BTBD19: variants seen among roughly 807,000 people sequenced by gnomAD.
The protein encoded by BTBD19 is BTB domain containing 19, also known as BTB/POZ domain-containing protein 19.
Under a neutral mutation model 36.1 loss-of-function variants are expected in BTBD19, and 20 were observed. That is an observed-to-expected ratio of 0.55 (90% CI 0.39 to 0.80). The LOEUF is 0.80. Among genes scored for constraint, BTBD19 ranks in the 30% least tolerant of loss-of-function variants. BTBD19 has a pLI of 0.00. For synonymous variants in BTBD19, 157 were observed against 174.3 expected, an observed-to-expected ratio of 0.90 and a Z score of 0.78; for missense variants, 325 against 389.8, an observed-to-expected ratio of 0.83 and a Z score of 1.40.
rs774858042 is a variant in BTBD19 at position 44,813,299 on chromosome 1, C to T, written c.615+30C>T. The T allele has an allele frequency of 1.4e-5, 21 of 1,537,436 alleles. No individual in the cohort carries two copies. The East Asian group carries it at 3.7e-4, about 27-fold the overall frequency. ...GTGGGGCTGGGGGAGCGCAAGGGCA[C>T]GGAAGGAGGTGCTGGCCACGAGACT... On this transcript the variant is annotated intron_variant, in intron 6 of 7. Coordinates refer to ENST00000450269, the Ensembl canonical transcript of BTBD19. This position sits in a 1 kb window ranked among gnomAD's most constrained non-coding sequence, Gnocchi z 7.8.
exon 4 of BTBD19, chr1:44,812,062 G>T (rs757282646): frequency 7.7e-7 from 1 of 1,305,380 alleles, no homozygotes; most frequent in South Asian, 1.2e-5. Context: ...TTGTGGTGAA[G>T]GTGCTGGATG....
chr1:44,814,928 G>C (rs147277137), downstream of BTBD19: 1 of 152,058 alleles, frequency 6.6e-6, no homozygotes, highest in African/African-American at 2.4e-5. Context: ...CCACAGGCTC[G>C]GCGAGAAATT....
In BTBD19 at chr1:44,813,963, G is replaced by A; in HGVS notation, c.*191G>A. ...GATCAAGCCCGTGTGGGCGAGGTGG[G>A]GTCGGGCCGGGCAGGGCTTGGGCTG... On this transcript the variant is annotated 3_prime_UTR_variant, in exon 8 of 8. Transcript: ENST00000450269. This position sits in a 1 kb window ranked among gnomAD's most constrained non-coding sequence, Gnocchi z 7.8. 1.1e-6 allele frequency: 1 copy of A among 941,408 alleles called. No individual in the cohort carries two copies. The allele number at this position is 941,408 out of a possible 1,614,324, so 58.3% of individuals were successfully genotyped here. A position where few individuals can be genotyped will look rare whatever the true frequency, so the allele number is the denominator to read the frequency against.
At chr1:44,812,786 CGT>C (rs6143210) in intron 4 of BTBD19, among the ~76,000 whole-genome samples, 20,571 of 133,702 alleles carry the variant, frequency 0.15, 1,538 homozygotes, top group Middle Eastern at 0.27. Flanking sequence ...AGTGAGTCCA[CGT>C]GTGTGTGTGT....
At position 44,813,409 on chromosome 1, in the gene BTBD19, C is replaced by A. The variant is rs1326592796; in HGVS notation, c.651C>A (p.Ala217=). 4 of 1,541,144 alleles carry A rather than the reference C, an allele frequency of 2.6e-6. No homozygotes were observed. The East Asian group carries it at 9.8e-5, about 38-fold the overall frequency. Reference sequence around the variant, plus strand: ...AGCGGCCGGTGGCTGAGGTGGCGGCCCCGGTGGTGAAAGAGCTGAGACTAG... The same window carrying A: ...AGCGGCCGGTGGCTGAGGTGGCGGCACCGGTGGTGAAAGAGCTGAGACTAG... Residue 217 remains alanine, a synonymous_variant, in exon 7 of 8, where the codon GCC becomes GCA. Coordinates refer to ENST00000450269, the Ensembl canonical transcript of BTBD19. This position sits in a 1 kb window ranked among gnomAD's most constrained non-coding sequence, Gnocchi z 7.8.
At position 44,813,323 on chromosome 1, in the gene BTBD19, C is replaced by G; in HGVS notation, c.616-51C>G. 1 of 1,539,670 alleles carries G rather than the reference C, an allele frequency of 6.5e-7. No homozygotes were observed. The highest frequency in any genetic ancestry group is 8.7e-7 in the Non-Finnish European group (1 of 1,145,774). On this transcript the variant is annotated intron_variant, in intron 6 of 7. Coordinates refer to ENST00000450269, the Ensembl canonical transcript of BTBD19. This position sits in a 1 kb window ranked among gnomAD's most constrained non-coding sequence, Gnocchi z 7.8. ...ACGGAAGGAGGTGCTGGCCACGAGA[C>G]TGGTGAGCGGGCGGCAGGACAGGTG...
At chr1:44,812,215 G>A (rs1275313168) in intron 4 of BTBD19, 117 bp downstream of exon 4, 2 of 679,328 alleles carry the variant, frequency 2.9e-6, no homozygotes, top group African/African-American at 1.9e-5. Context: ...GGTACATGGT[G>A]GTGGTGGGGG....
At chr1:44,808,763 C>T in exon 1 of BTBD19, 1 of 1,316,968 alleles carries the variant, frequency 7.6e-7, no homozygotes, top group Non-Finnish European at 1.0e-6. Context: ...ACCTCACCAG[C>T]TCTAGGGCCT....
rs774219340 is a variant in BTBD19, at chr1:44,810,461, G to A, written c.300+35G>A. 1.2e-5 allele frequency: 18 copies of A among 1,550,954 alleles called. No individual in the cohort carries two copies. The highest frequency in any genetic ancestry group is 1.6e-5 in the Non-Finnish European group (18 of 1,146,498). ...CTGACCAGGGGCCTGGGTGGGAGAG[G>A]TGGGGGGTGCCAGAGGCAGGAGTTT... On this transcript the variant is annotated intron_variant, in intron 2 of 7. Coordinates refer to ENST00000450269, the Ensembl canonical transcript of BTBD19. The surrounding 1 kb of genome is among the most constrained non-coding windows in gnomAD (Gnocchi z 4.2).
Position 44,813,392 on chromosome 1 carries a change from G to A in BTBD19, c.634G>A (p.Val212Met). The change falls in exon 7 of 8, where the codon GTG (valine) becomes ATG (methionine). Residue 212 changes from valine (V) to methionine (M), a missense_variant. Physicochemically the swap from Val to Met is conservative, Grantham distance 21. Transcript: ENST00000450269. The surrounding 1 kb of genome is among the most constrained non-coding windows in gnomAD (Gnocchi z 7.8). ...TTTGCAGGCGGTGCTGGAGCGGCCGGTGGCTGAGGTGGCGGCCCCGGTGGT... is the reference window on the plus strand; with the variant it reads ...TTTGCAGGCGGTGCTGGAGCGGCCGATGGCTGAGGTGGCGGCCCCGGTGGT... 6.5e-7 allele frequency: 1 copy of A among 1,538,692 alleles called. No homozygotes were observed. The highest frequency in any genetic ancestry group is 1.2e-5 in the South Asian group (1 of 84,032).
In BTBD19 at chr1:44,813,345, G is replaced by T. The variant is rs935919333; in HGVS notation, c.616-29G>T. 2.6e-6 allele frequency: 4 copies of T among 1,542,618 alleles called. No homozygotes were observed. The African/African-American group carries it at 5.5e-5, about 21-fold the overall frequency. On this transcript the variant is annotated intron_variant, in intron 6 of 7. Transcript: ENST00000450269. This position sits in a 1 kb window ranked among gnomAD's most constrained non-coding sequence, Gnocchi z 7.8. Reference sequence around the variant, plus strand: ...AGACTGGTGAGCGGGCGGCAGGACAGGTGCCCGACTCAGGGCTGGCGTTTG... The same window carrying T: ...AGACTGGTGAGCGGGCGGCAGGACATGTGCCCGACTCAGGGCTGGCGTTTG...
At chr1:44,811,710 T>C in intron 3 of BTBD19, 1 of 275,394 alleles carries the variant, frequency 3.6e-6, no homozygotes, top group South Asian at 3.5e-5. Context: ...CTGCTAAAAA[T>C]AGAAGTATCC....
rs537463533 is a variant in BTBD19, at chr1:44,813,944, G to T, written c.*172G>T. The T allele has an allele frequency of 1.5e-5, 17 of 1,116,724 alleles. No homozygotes were observed. The South Asian group carries it at 1.6e-4, about 10-fold the overall frequency. 69.2% of individuals were successfully genotyped at this position (1,116,724 alleles called of 1,614,324 possible). ...CGCGCAGCCCCTTGTGCGGGATCAA[G>T]CCCGTGTGGGCGAGGTGGGGTCGGG... On this transcript the variant is annotated 3_prime_UTR_variant, in exon 8 of 8. Coordinates refer to ENST00000450269, the Ensembl canonical transcript of BTBD19. The surrounding 1 kb of genome is among the most constrained non-coding windows in gnomAD (Gnocchi z 7.8).
chr1:44,813,336 G>A lies in BTBD19; in HGVS notation c.616-38G>A, dbSNP rs1260773043. On this transcript the variant is annotated intron_variant, in intron 6 of 7. Transcript: ENST00000450269. The surrounding 1 kb of genome is among the most constrained non-coding windows in gnomAD (Gnocchi z 7.8). ...CTGGCCACGAGACTGGTGAGCGGGC[G>A]GCAGGACAGGTGCCCGACTCAGGGC... is the stretch of plus-strand genomic sequence containing the variant. The A allele has an allele frequency of 2.6e-6, 4 of 1,541,234 alleles. No individual in the cohort carries two copies. The highest frequency in any genetic ancestry group is 1.7e-4 in the Middle Eastern group (1 of 6,000).
chr1:44,810,998 T>C lies in BTBD19; in HGVS notation c.354+391T>C, dbSNP rs1431364230. Among the ~76,000 whole-genome samples the C allele has an allele frequency of 6.6e-6, 1 of 152,032 alleles. No individual in the cohort carries two copies. Among genetic ancestry groups the C allele is most frequent in the African/African-American group, 2.4e-5 (1 of 41,388 alleles). Reference sequence around the variant, plus strand: ...ACTTTGGGAAGCTGAAGCAGGTGGATCACTTGAGCCCAGAAGTTCCAGACC... The same window carrying C: ...ACTTTGGGAAGCTGAAGCAGGTGGACCACTTGAGCCCAGAAGTTCCAGACC... On this transcript the variant is annotated intron_variant, in intron 3 of 7. Coordinates refer to ENST00000450269, the Ensembl canonical transcript of BTBD19. This position sits in a 1 kb window ranked among gnomAD's most constrained non-coding sequence, Gnocchi z 4.2.
chr1:44,808,603 C>A, exon 1 of BTBD19: 1 of 414,202 alleles, frequency 2.4e-6, no homozygotes, highest in Non-Finnish European at 4.3e-6. Context: ...CTCAGCTTCT[C>A]CTGGCCCCCT....
At chr1:44,808,992 G>A in intron 1 of BTBD19, 86 bp downstream of exon 1, 1 of 1,195,080 alleles carries the variant, frequency 8.4e-7, no homozygotes, top group Non-Finnish European at 1.1e-6. Context: ...AGAAGAGGCT[G>A]GGAATTAGAA....
intron 1 of BTBD19, 141 bp downstream of exon 1, chr1:44,809,047 T>C (rs1294021243): frequency 1.6e-6 from 1 of 643,276 alleles, no homozygotes; most frequent in Admixed American, 3.6e-5. Context: ...GGAGGTCAAA[T>C]GTGGAACATG....
At chr1:44,811,127 A>G (rs1328146938) in intron 3 of BTBD19, among the ~76,000 whole-genome samples, 2 of 151,960 alleles carry the variant, frequency 1.3e-5, no homozygotes, top group Non-Finnish European at 2.9e-5. Context: ...AGGCTGAGGC[A>G]CAAGAATCGC....
Sources: gnomAD v4.1 joint callset for allele counts (sites outside exome capture counted in the v4.1 genomes callset) on GRCh38, gnomAD v4.1.1 for gene constraint, Gnocchi (gnomAD v3.1) non-coding constraint, MANE v1.5 for transcripts, NCBI Gene and HGNC (gene_info 2026-07-23, HGNC 2026-07-21) for gene names.